Variants in ATP8B4 observed in about 807,000 individuals in gnomAD.
ATP8B4 encodes the protein ATPase phospholipid transporting 8B4 (putative), also known as probable phospholipid-transporting ATPase IM.
ATP8B4 carries 133 observed loss-of-function variants against 145.6 expected under a neutral mutation model. The observed-to-expected ratio is 0.91, with a 90% CI of 0.79 to 1.05. The LOEUF is 1.05. Ranked by LOEUF, ATP8B4 falls within the 50% of genes least tolerant of loss-of-function variation. The pLI is 0.00. For missense variants in ATP8B4, 1,458 were observed against 1,425.2 expected, an observed-to-expected ratio of 1.02 and a Z score of -0.37; for synonymous variants, 507 against 492.9, an observed-to-expected ratio of 1.03 and a Z score of -0.38.
intron 6 of ATP8B4, among the ~76,000 whole-genome samples, chr15:50,011,306 G>C (rs2048707408): frequency 6.6e-6 from 1 of 152,008 alleles, no homozygotes; most frequent in African/African-American, 2.4e-5. Context: ...TTTAACTGGA[G>C]GCAAAAAAGC....
chr15:49,926,674 T>G (rs2040753481), intron 16 of ATP8B4, among the ~76,000 whole-genome samples: 1 of 152,156 alleles, frequency 6.6e-6, no homozygotes, highest in African/African-American at 2.4e-5. Context: ...TCCCTTAGCT[T>G]GAAGGCCCTG....
chr15:49,979,600 A>G lies in ATP8B4; in HGVS notation c.1034+17T>C, dbSNP rs757522015. On this transcript the variant is annotated intron_variant, in intron 12 of 27. Coordinates refer to ENST00000284509, the MANE Select transcript of ATP8B4 (RefSeq NM_024837.4). ...TTTGATGAAATTATTTCATTAAAAT[A>G]TAAACTCTCATCTTACCTCACATAT... 1.3e-5 allele frequency: 18 copies of G among 1,418,444 alleles called. No homozygotes were observed. The highest frequency in any genetic ancestry group is 9.2e-5 in the Admixed American group (4 of 43,666). The allele number at this position is 1,418,444 out of a possible 1,614,324, so 87.9% of individuals were successfully genotyped here.
chr15:50,125,397 T>C (rs570920052), intron 1 of ATP8B4, among the ~76,000 whole-genome samples: 2 of 152,320 alleles, frequency 1.3e-5, no homozygotes, highest in African/African-American at 2.4e-5. Flanking sequence ...CTACCCCTTA[T>C]ATGACACTTG....
At chr15:50,158,760 A>G (rs2044470490) in intron 1 of ATP8B4, among the ~76,000 whole-genome samples, 1 of 152,256 alleles carries the variant, frequency 6.6e-6, no homozygotes, top group African/African-American at 2.4e-5. Flanking sequence ...TTCTGTACTA[A>G]GAAAAATTCT....
chr15:50,063,467 T>C (rs2053170533), intron 3 of ATP8B4, among the ~76,000 whole-genome samples: 1 of 151,998 alleles, frequency 6.6e-6, no homozygotes, highest in Non-Finnish European at 1.5e-5. Context: ...TCCACATAGA[T>C]ACAATAATAA....
chr15:49,989,834 C>A (rs1793385955), intron 9 of ATP8B4, among the ~76,000 whole-genome samples: 2 of 152,298 alleles, frequency 1.3e-5, no homozygotes, highest in East Asian at 1.9e-4. Context: ...TTCCCAATTT[C>A]TTTTGTACCA....
chr15:49,997,831 T>A (rs902170486), intron 8 of ATP8B4, among the ~76,000 whole-genome samples: 3 of 152,168 alleles, frequency 2.0e-5, no homozygotes, highest in African/African-American at 7.2e-5. Flanking sequence ...GTTGGATGTA[T>A]AATTCAAGCT....
At chr15:50,024,242 T>C (rs935197) in intron 6 of ATP8B4, among the ~76,000 whole-genome samples, 76,545 of 152,008 alleles carry the variant, frequency 0.5, 20,126 homozygotes, top group East Asian at 0.93. Flanking sequence ...GATTCTATGA[T>C]AGAGGTAGGT....
At chr15:50,085,641 G>A (rs935238975) in intron 2 of ATP8B4, among the ~76,000 whole-genome samples, 5 of 151,546 alleles carry the variant, frequency 3.3e-5, no homozygotes, top group Non-Finnish European at 5.9e-5. Context: ...AGCCTGTGCA[G>A]AATTCTCCCA....
intron 6 of ATP8B4, among the ~76,000 whole-genome samples, chr15:50,033,236 C>T (rs2050584724): frequency 6.6e-6 from 1 of 152,120 alleles, no homozygotes; most frequent in African/African-American, 2.4e-5. Flanking sequence ...GCAAAGTTTA[C>T]CAATGCCCAG....
At chr15:50,060,861 ACTT>A (rs2052963583) in intron 3 of ATP8B4, among the ~76,000 whole-genome samples, 2 of 152,306 alleles carry the variant, frequency 1.3e-5, no homozygotes, top group South Asian at 4.1e-4. Context: ...TGTGGACCAC[ACTT>A]CAAGAAGCAG....
intron 6 of ATP8B4, among the ~76,000 whole-genome samples, chr15:50,021,060 T>C (rs945025052): frequency 1.5e-4 from 23 of 152,254 alleles, no homozygotes; most frequent in South Asian, 4.2e-4. Context: ...AAGGATTCAT[T>C]GTACTGTTCT....
intron 1 of ATP8B4, among the ~76,000 whole-genome samples, chr15:50,138,546 G>C (rs1176940735): frequency 6.6e-6 from 1 of 152,008 alleles, no homozygotes; most frequent in East Asian, 1.9e-4. Flanking sequence ...CACCCTAAAA[G>C]GCACCACTGC....
At chr15:50,171,231 C>T (rs893141223) in intron 1 of ATP8B4, among the ~76,000 whole-genome samples, 1 of 152,154 alleles carries the variant, frequency 6.6e-6, no homozygotes, top group Non-Finnish European at 1.5e-5. Context: ...CAGAACATTT[C>T]ATCCAACAAC....
intron 6 of ATP8B4, chr15:50,018,900 GA>G (rs1567207889): frequency 4.8e-6 from 6 of 1,241,374 alleles, no homozygotes; most frequent in Non-Finnish European, 1.1e-6. Flanking sequence ...TTTTTCTCAG[GA>G]CCAGGATAAA....
At chr15:49,951,600 T>C (rs1377838463) in intron 14 of ATP8B4, among the ~76,000 whole-genome samples, 2 of 152,204 alleles carry the variant, frequency 1.3e-5, no homozygotes, top group Non-Finnish European at 2.9e-5. Context: ...GCACATAAGA[T>C]GAGTCTCCTG....
chr15:50,052,202 C>T (rs914959196), intron 3 of ATP8B4, among the ~76,000 whole-genome samples: 1 of 152,200 alleles, frequency 6.6e-6, no homozygotes, highest in African/African-American at 2.4e-5. Context: ...AATCTGAGTA[C>T]AGTTCATTCC....
At chr15:49,905,056 G>A (rs1201125593) in intron 20 of ATP8B4, among the ~76,000 whole-genome samples, 2 of 152,172 alleles carry the variant, frequency 1.3e-5, no homozygotes, top group Non-Finnish European at 2.9e-5. Flanking sequence ...GTAATTTTCT[G>A]AGAAACCATA....
chr15:50,008,361 G>T (rs2048471647), intron 7 of ATP8B4, among the ~76,000 whole-genome samples: 1 of 152,110 alleles, frequency 6.6e-6, no homozygotes, highest in African/African-American at 2.4e-5. Context: ...TGTTATTTTG[G>T]TGCTGTCCCT....
Sources: allele counts gnomAD v4.1 joint callset (sites outside exome capture counted in the v4.1 genomes callset), GRCh38; gene constraint gnomAD v4.1.1; transcripts MANE v1.5; gene names NCBI Gene and HGNC (gene_info 2026-07-23, HGNC 2026-07-21).